Variants in ASTN2 observed in about 807,000 individuals in gnomAD.
The protein encoded by ASTN2 is astrotactin 2, also known as astrotactin-2.
Under a neutral mutation model 139.8 loss-of-function variants are expected in ASTN2, and 54 were observed. That is an observed-to-expected ratio of 0.39 (90% CI 0.31 to 0.48). The LOEUF (loss-of-function observed/expected upper bound fraction) is 0.48, where lower values mean the gene tolerates loss of function less well. ASTN2 is among the 20% of genes least tolerant of loss of function. The pLI, the probability that ASTN2 is intolerant of heterozygous loss-of-function variation, is 0.95. For missense variants in ASTN2, 1,565 were observed against 1,725.1 expected, an observed-to-expected ratio of 0.91 and a Z score of 1.64; for synonymous variants, 756 against 719.5, an observed-to-expected ratio of 1.05 and a Z score of -0.81.
chr9:116,531,509 C>T (rs1418834808), intron 19 of ASTN2, among the ~76,000 whole-genome samples: 2 of 150,614 alleles, frequency 1.3e-5, no homozygotes, highest in Non-Finnish European at 1.5e-5. Context: ...AATGCTACCA[C>T]TCCCCCTCCC....
chr9:117,187,473 G>A (rs1831231113), intron 3 of ASTN2, among the ~76,000 whole-genome samples: 1 of 152,080 alleles, frequency 6.6e-6, no homozygotes, highest in African/African-American at 2.4e-5. Flanking sequence ...ATTGAGAGAT[G>A]GGGCCTTTGA....
chr9:116,447,216 C>T (rs1444768219), intron 20 of ASTN2, among the ~76,000 whole-genome samples: 2 of 152,142 alleles, frequency 1.3e-5, no homozygotes, highest in Admixed American at 6.5e-5. Flanking sequence ...CTTGAAGCAT[C>T]GCTCAAACCT....
chr9:116,686,990 G>A (rs1860260240), intron 16 of ASTN2: 8 of 1,425,892 alleles, frequency 5.6e-6, no homozygotes, highest in Non-Finnish European at 7.3e-6. Flanking sequence ...GGACTACCCT[G>A]GAGGCTACCG....
chr9:116,624,641 T>C (rs976137197), intron 17 of ASTN2, among the ~76,000 whole-genome samples: 1 of 152,222 alleles, frequency 6.6e-6, no homozygotes, highest in African/African-American at 2.4e-5. Context: ...TTCCACACTC[T>C]ATACTTCAAA....
intron 1 of ASTN2, among the ~76,000 whole-genome samples, chr9:117,356,388 T>C (rs1225688371): frequency 6.6e-6 from 1 of 152,216 alleles, no homozygotes; most frequent in Non-Finnish European, 1.5e-5. Context: ...ATCCCATGTT[T>C]GATACGATGA....
intron 10 of ASTN2, among the ~76,000 whole-genome samples, chr9:116,934,805 T>A (rs2418451): frequency 0.99 from 150,673 of 152,310 alleles, 74,546 homozygotes; most frequent in East Asian, 1. Context: ...TTAGCTCCAC[T>A]GTCTGAGGCA....
chr9:116,934,715 CAT>C (rs1835015392), intron 10 of ASTN2, among the ~76,000 whole-genome samples: 2 of 152,144 alleles, frequency 1.3e-5, no homozygotes, highest in African/African-American at 4.8e-5. Context: ...CCCTCCATGA[CAT>C]AGTTTACCTA....
At chr9:116,925,131 T>C (rs1834719006) in intron 10 of ASTN2, among the ~76,000 whole-genome samples, 1 of 152,276 alleles carries the variant, frequency 6.6e-6, no homozygotes, top group South Asian at 2.1e-4. Context: ...TTTCTTAATA[T>C]AAAAGAATCA....
chr9:116,631,917 C>A (rs1254140313), intron 17 of ASTN2, among the ~76,000 whole-genome samples: 1 of 151,794 alleles, frequency 6.6e-6, no homozygotes, highest in African/African-American at 2.4e-5. Context: ...AGATGGAGAC[C>A]ATCCTGGCCA....
intron 10 of ASTN2, among the ~76,000 whole-genome samples, chr9:116,877,483 C>A (rs1214777960): frequency 6.6e-6 from 1 of 152,116 alleles, no homozygotes; most frequent in Non-Finnish European, 1.5e-5. Flanking sequence ...TACATCTATG[C>A]CTATGCCCCT....
intron 19 of ASTN2, among the ~76,000 whole-genome samples, chr9:116,591,358 G>A (rs1854372063): frequency 6.6e-6 from 1 of 152,170 alleles, no homozygotes; most frequent in African/African-American, 2.4e-5. Context: ...TGCAGCCAGA[G>A]TGCCTGACTA....
At chr9:116,695,719 AT>A (rs1265717972) in intron 16 of ASTN2, among the ~76,000 whole-genome samples, 1 of 152,130 alleles carries the variant, frequency 6.6e-6, no homozygotes, top group Non-Finnish European at 1.5e-5. Context: ...TGCTAGACCT[AT>A]TCATTCTGAT....
At position 117,214,385 on chromosome 9, in the gene ASTN2, C is replaced by A; in HGVS notation, c.988G>T (p.Glu330Ter). The A allele has an allele frequency of 6.3e-7, 1 of 1,594,078 alleles. No individual in the cohort carries two copies. Among genetic ancestry groups the A allele is most frequent in the Non-Finnish European group, 8.6e-7 (1 of 1,163,898 alleles). ...HTLDSLGHPGEEKVDFEKKAA... is the reference protein window; with the variant it reads ...HTLDSLGHPG Reference sequence around the variant, plus strand: ...TTCTTCTCAAAGTCCACCTTCTCTTCCCCTGGATGTCCCAGACTGTCCAGA... The same window carrying A: ...TTCTTCTCAAAGTCCACCTTCTCTTACCCTGGATGTCCCAGACTGTCCAGA... Residue 330 changes from glutamate to a stop codon, truncating the protein, a stop_gained, in exon 3 of 23, where the codon GAA becomes TAA. Transcript: ENST00000313400. LOFTEE classifies it high-confidence loss of function.
rs984890235 is a variant in ASTN2 at position 116,634,714 on chromosome 9, T to C, written c.3073-14271A>G. On this transcript the variant is annotated intron_variant, in intron 17 of 22. Transcript: ENST00000313400. ...ACTCACTTGGAATTATTTTTATTCTTTGTAATATTTTCTATTGAGAAAACA... is the reference window on the plus strand; with the variant it reads ...ACTCACTTGGAATTATTTTTATTCTCTGTAATATTTTCTATTGAGAAAACA... 2.0e-5 allele frequency among the ~76,000 whole-genome samples: 3 copies of C among 152,206 alleles called. No homozygotes were observed. In the East Asian group the frequency reaches 5.8e-4, roughly 29 times the overall value.
At chr9:117,054,031 G>GAAA (rs56060705) in intron 5 of ASTN2, among the ~76,000 whole-genome samples, 1 of 140,072 alleles carries the variant, frequency 7.1e-6, no homozygotes, top group Admixed American at 7.2e-5. Context: ...GATAAAAAAA[G>GAAA]AAAAAAAAAA....
intron 22 of ASTN2, among the ~76,000 whole-genome samples, chr9:116,430,429 A>G (rs1308574800): frequency 6.6e-6 from 1 of 152,198 alleles, no homozygotes; most frequent in Non-Finnish European, 1.5e-5. Flanking sequence ...AAATTATTCA[A>G]TGCCACTAAC....
At chr9:116,817,119 C>T (rs1383499704) in intron 12 of ASTN2, among the ~76,000 whole-genome samples, 1 of 151,678 alleles carries the variant, frequency 6.6e-6, no homozygotes, top group East Asian at 1.9e-4. Context: ...ACGCTGAAAC[C>T]CCATCTCTAC....
Position 117,141,402 on chromosome 9 carries a change from G to T in ASTN2, c.1092C>A (p.Pro364=), listed in dbSNP as rs750964804. 18 of 1,367,390 alleles carry T rather than the reference G, an allele frequency of 1.3e-5. No individual in the cohort carries two copies. The Middle Eastern group carries it at 6.3e-4, about 48-fold the overall frequency. The allele number at this position is 1,367,390 out of a possible 1,614,324, so 84.7% of individuals were successfully genotyped here. A position where few individuals can be genotyped will look rare whatever the true frequency, so the allele number is the denominator to read the frequency against. Residue 364 remains proline (P), a synonymous_variant, in exon 4 of 23, where the codon CCC becomes CCA. Coordinates refer to ENST00000313400, the MANE Select transcript of ASTN2 (RefSeq NM_001365068.1). ...KFKESFRANT[P]IEIGQLQPPL... ...GTGGTTGCAGCTGACCGATCTCGAT[G>T]GGCGTGTTAGCGCGGAAACTCTCCT...
intron 19 of ASTN2, among the ~76,000 whole-genome samples, chr9:116,496,160 ACT>A (rs1393234140): frequency 1.3e-5 from 2 of 152,070 alleles, no homozygotes; most frequent in Non-Finnish European, 2.9e-5. Context: ...AAAATTTATC[ACT>A]GTCTCTCATA....
Sources: gnomAD v4.1 joint callset for allele counts (sites outside exome capture counted in the v4.1 genomes callset) on GRCh38, gnomAD v4.1.1 for gene constraint, MANE v1.5 for transcripts, NCBI Gene and HGNC (gene_info 2026-07-23, HGNC 2026-07-21) for gene names.